Variants in CDKL3 observed in about 807,000 individuals in gnomAD.
CDKL3 encodes cyclin dependent kinase like 3, also known as cyclin-dependent kinase-like 3.
In CDKL3, 65 loss-of-function variants were observed where a neutral mutation model predicts 69.3. That is an observed-to-expected ratio of 0.94 (90% CI 0.77 to 1.15). CDKL3 has a LOEUF of 1.15. Ranked by LOEUF, CDKL3 falls within the 50% of genes most tolerant of loss-of-function variation. The pLI is 0.00. For synonymous variants in CDKL3, 202 were observed against 221.6 expected (o/e 0.91, Z 0.79); for missense variants, 652 against 689.2 (o/e 0.95, Z 0.61).
At chr5:134,317,957 C>CA (rs1771613118) in intron 6 of CDKL3, among the ~76,000 whole-genome samples, 1 of 151,858 alleles carries the variant, frequency 6.6e-6, no homozygotes, top group Non-Finnish European at 1.5e-5. Context: ...CGGTGGGTCA[C>CA]GCCTGTAATC....
chr5:134,347,783 T>C (rs1346118145), intron 4 of CDKL3, among the ~76,000 whole-genome samples: 1 of 151,528 alleles, frequency 6.6e-6, no homozygotes, highest in Admixed American at 6.6e-5. Context: ...GGACCATATA[T>C]TATATAATTC....
rs112013809 is a variant in CDKL3, at chr5:134,354,945, CA to C, written c.361-4519del. Among the ~76,000 whole-genome samples the C allele has an allele frequency of 3.3e-3, 400 of 122,368 alleles. 2 individuals carry two copies. Among genetic ancestry groups the C allele is most frequent in the African/African-American group, 7.7e-3 (248 of 32,252 alleles). The allele number at this position is 122,368 out of a possible 152,430, so 80.3% of individuals were successfully genotyped here. A position where few individuals can be genotyped will look rare whatever the true frequency, so the allele number is the denominator to read the frequency against. On this transcript the variant is annotated intron_variant, in intron 3 of 12. Coordinates refer to ENST00000265334, the MANE Select transcript of CDKL3 (RefSeq NM_001113575.2). The stretch of plus-strand genomic sequence containing the variant: ...CTGGTGACAGAGTGAGACTCCGTCT[CA>C]AAAAAAAAAAAATAGATACCACTTC...
chr5:134,306,549 A>G, intron 10 of CDKL3, 60 bp downstream of exon 10: 1 of 996,678 alleles, frequency 1.0e-6, no homozygotes, highest in Middle Eastern at 2.1e-4. Context: ...AGATAGAGAA[A>G]AGGAAAAAAG....
intron 4 of CDKL3, 78 bp downstream of exon 4, chr5:134,350,171 G>C: frequency 3.5e-6 from 4 of 1,139,340 alleles, no homozygotes; most frequent in Non-Finnish European, 4.9e-6. Context: ...CTGGGTGACA[G>C]AGCAACACGC....
chr5:134,361,631 T>C (rs1756038876), intron 2 of CDKL3, among the ~76,000 whole-genome samples: 3 of 152,292 alleles, frequency 2.0e-5, no homozygotes, highest in South Asian at 4.1e-4. Context: ...TGGCTGGGCA[T>C]GGTGGTGCAC....
chr5:134,365,301 G>A (rs1757146827), intron 2 of CDKL3, among the ~76,000 whole-genome samples: 1 of 149,630 alleles, frequency 6.7e-6, no homozygotes, highest in Non-Finnish European at 1.5e-5. Flanking sequence ...TTAATTTTTA[G>A]TAGAGACGGG....
intron 4 of CDKL3, among the ~76,000 whole-genome samples, chr5:134,347,028 TA>T (rs1402813765): frequency 1.3e-5 from 2 of 152,142 alleles, no homozygotes; most frequent in Non-Finnish European, 2.9e-5. Context: ...TGTCCATTTA[TA>T]AAAGTATTCA....
At chr5:134,289,485 C>T (rs1473730081) in intron 8 of CDKL3, among the ~76,000 whole-genome samples, 1 of 152,160 alleles carries the variant, frequency 6.6e-6, no homozygotes, top group Non-Finnish European at 1.5e-5. Flanking sequence ...TAAATGTTGC[C>T]TGAAATGTGT....
At chr5:134,319,656 G>T (rs547922841) in intron 5 of CDKL3, among the ~76,000 whole-genome samples, 159 bp from the exon 6 acceptor site, 38 of 152,236 alleles carry the variant, frequency 2.5e-4, no homozygotes, top group African/African-American at 7.5e-4. Context: ...AAAACTATCT[G>T]AACATGTCAT....
downstream of CDKL3, among the ~76,000 whole-genome samples, chr5:134,284,630 C>T (rs543941226): frequency 2.0e-5 from 3 of 152,288 alleles, no homozygotes; most frequent in Admixed American, 6.5e-5. Context: ...GAGACCAGGG[C>T]GTATTTCATC....
intron 4 of CDKL3, among the ~76,000 whole-genome samples, chr5:134,334,141 G>T (rs1358598617): frequency 6.6e-6 from 1 of 152,050 alleles, no homozygotes; most frequent in Non-Finnish European, 1.5e-5. Context: ...TATTTCTGTG[G>T]GATCAGTGGT....
At chr5:134,342,320 C>T (rs903707311) in intron 4 of CDKL3, among the ~76,000 whole-genome samples, 6 of 152,118 alleles carry the variant, frequency 3.9e-5, no homozygotes, top group East Asian at 3.9e-4. Flanking sequence ...TTATGGAAGC[C>T]GGGTGCGGTG....
chr5:134,360,208 CT>C (rs1561647608), intron 2 of CDKL3, 117 bp from the exon 3 acceptor site: 1 of 757,016 alleles, frequency 1.3e-6, no homozygotes, highest in Non-Finnish European at 2.1e-6. Flanking sequence ...CCATGCATTT[CT>C]TTTTTCTTTT....
At chr5:134,311,545 T>G (rs1211996057) in intron 7 of CDKL3, among the ~76,000 whole-genome samples, 2 of 150,066 alleles carry the variant, frequency 1.3e-5, no homozygotes, top group Admixed American at 6.6e-5. Flanking sequence ...AGAGAATAAG[T>G]AGAAAAAAAA....
At position 134,339,823 on chromosome 5, in the gene CDKL3, A is replaced by G. The variant is rs543915461; in HGVS notation, c.539+10426T>C. The stretch of plus-strand genomic sequence containing the variant: ...TAAACTACATTTGACGAAATAACCA[A>G]TGGGTACAAGGTGAAATCAAAAGGG... On this transcript the variant is annotated intron_variant, in intron 4 of 12. Transcript: ENST00000265334. Among the ~76,000 whole-genome samples, 7 of 152,318 alleles carry G rather than the reference A, an allele frequency of 4.6e-5. No individual in the cohort carries two copies. The East Asian group carries it at 1.2e-3, about 25-fold the overall frequency.
intron 3 of CDKL3, among the ~76,000 whole-genome samples, chr5:134,355,150 T>C (rs781169220): frequency 6.6e-6 from 1 of 150,640 alleles, no homozygotes; most frequent in Non-Finnish European, 1.5e-5. Context: ...GGAAAATTGC[T>C]TGAACCTGGG....
intron 7 of CDKL3, among the ~76,000 whole-genome samples, chr5:134,309,530 T>C (rs1006375079): frequency 6.6e-6 from 1 of 152,236 alleles, no homozygotes; most frequent in African/African-American, 2.4e-5. Context: ...TTATTTTTGA[T>C]TAGAAAGTCC....
chr5:134,316,540 T>C (rs938521210), intron 6 of CDKL3, among the ~76,000 whole-genome samples: 2 of 150,552 alleles, frequency 1.3e-5, no homozygotes, highest in Non-Finnish European at 2.9e-5. Flanking sequence ...GAGGTTGCAG[T>C]GAGCTGAGAT....
chr5:134,297,578 T>C (rs1041059600), downstream of CDKL3, among the ~76,000 whole-genome samples: 1 of 151,716 alleles, frequency 6.6e-6, no homozygotes, highest in South Asian at 2.1e-4. Context: ...TTCTTTCTTT[T>C]TTTCTTTCTT....
Sources: gnomAD v4.1 joint callset for allele counts (sites outside exome capture counted in the v4.1 genomes callset) on GRCh38, gnomAD v4.1.1 for gene constraint, MANE v1.5 for transcripts, NCBI Gene and HGNC (gene_info 2026-07-23, HGNC 2026-07-21) for gene names.